The following CORO1B variants were observed in gnomAD, a reference collection of about 807,000 sequenced individuals.
CORO1B encodes the protein coronin-1B.
In CORO1B, 30 loss-of-function variants were observed where a neutral mutation model predicts 51.1. That is an observed-to-expected ratio of 0.59 (90% CI 0.44 to 0.80). The LOEUF (loss-of-function observed/expected upper bound fraction) is 0.80, where lower values mean the gene tolerates loss of function less well. CORO1B is among the 30% of genes least tolerant of loss of function. CORO1B has a pLI of 0.00. For synonymous variants in CORO1B, 310 were observed against 289.7 expected (o/e 1.07, Z -0.71); for missense variants, 648 against 700.4 (o/e 0.93, Z 0.84).
Position 67,441,985 on chromosome 11 carries a change from GAGC to G in CORO1B, c.302_304del (p.Gly101_Ser102delinsAla), listed in dbSNP as rs780259406. 1.9e-6 allele frequency: 3 copies of G among 1,613,208 alleles called. No individual in the cohort carries two copies. In the South Asian group the frequency reaches 3.3e-5, roughly 18 times the overall value. On this transcript the variant is annotated inframe_deletion, in exon 3 of 11. Coordinates refer to ENST00000341356, the MANE Select transcript of CORO1B (RefSeq NM_020441.3). ...CCTCACCATGACCGTGCAGTCCTCC[GAGC>G]CGCTGGCTATGACTTCGTCGTTGTG...
chr11:67,441,749 G>A lies in CORO1B; in HGVS notation c.438C>T (p.Asn146=), dbSNP rs528013950. ...GGTGCAGACCTGCACTGAGCAGCAC[G>A]TTTCGGGCCGTGGGGTGCCAGGCGA... ...GIIAWHPTAR[N]VLLSAGCDNV... Residue 146 remains asparagine, a synonymous_variant, in exon 4 of 11, where the codon AAC becomes AAT. Transcript: ENST00000341356. The A allele has an allele frequency of 1.9e-6, 3 of 1,611,388 alleles. No individual in the cohort carries two copies. Among genetic ancestry groups the A allele is most frequent in the African/African-American group, 1.3e-5 (1 of 74,948 alleles).
chr11:67,438,543 G>T (rs1181856688), intron 10 of CORO1B, 42 bp from the exon 11 acceptor site: 3 of 1,580,228 alleles, frequency 1.9e-6, no homozygotes, highest in Non-Finnish European at 2.6e-6. Context: ...GTGGTCAGGG[G>T]CTGCTAAGCC....
rs183838147 is a variant in CORO1B, at chr11:67,438,499, C to T, written c.1347G>A (p.Glu449=). Residue 449 remains glutamate, a splice_region_variant and synonymous_variant, in exon 11 of 11, where the codon GAG becomes GAA. Coordinates refer to ENST00000341356, the MANE Select transcript of CORO1B (RefSeq NM_020441.3). ...GCATCACCTCCTCCAGCTTCCCAGC[C>T]TCCTGTGGGGACATGAAGCAGGGGT... ...TPSGSLARAG[E]AGKLEEVMQE... 8.1e-6 allele frequency: 13 copies of T among 1,607,060 alleles called. No individual in the cohort carries two copies. In the East Asian group the frequency reaches 2.7e-4, roughly 33 times the overall value.
Position 67,438,906 on chromosome 11 carries a change from G to C in CORO1B, c.1109C>G (p.Pro370Arg), listed in dbSNP as rs1422664204. Residue 370 changes from proline (P) to arginine (R), a missense_variant, in exon 10 of 11, where the codon CCC becomes CGC. Coordinates refer to ENST00000341356, the MANE Select transcript of CORO1B (RefSeq NM_020441.3). ...QDDLYPDTAG[P>R]EAALEAEEWV... ...CTCCTCAGCCTCCAGGGCTGCCTCG[G>C]GCCCGGCTGTGTCGGGGTACAGATC... The C allele has an allele frequency of 1.9e-6, 3 of 1,609,464 alleles. No individual in the cohort carries two copies. Among genetic ancestry groups the C allele is most frequent in the East Asian group, 2.2e-5 (1 of 44,774 alleles).
At chr11:67,440,074 C>G (rs1048878704) in intron 8 of CORO1B, 44 bp downstream of exon 8, 1 of 1,572,582 alleles carries the variant, frequency 6.4e-7, no homozygotes, top group South Asian at 1.2e-5. Context: ...TGACCTCTCA[C>G]CTTAGATGCC....
Position 67,441,783 on chromosome 11 carries a change from A to G in CORO1B, c.404T>C (p.Val135Ala), listed in dbSNP as rs1428101284. ...CGTGGGGTGCCAGGCGATGATGCCC[A>G]CTCGCTTGGTGTGCCCCTCCAGTAC... is the stretch of plus-strand genomic sequence containing the variant. Reference protein sequence around the residue: ...VVVLEGHTKRVGIIAWHPTAR... With the variant: ...VVVLEGHTKRAGIIAWHPTAR... Residue 135 changes from valine to alanine, a missense_variant, in exon 4 of 11, where the codon GTG becomes GCG. Physicochemically the swap from Val to Ala is moderately conservative, Grantham distance 64. Transcript: ENST00000341356. 1.2e-6 allele frequency: 2 copies of G among 1,612,336 alleles called. No homozygotes were observed. Among genetic ancestry groups the G allele is most frequent in the African/African-American group, 2.7e-5 (2 of 74,672 alleles).
At position 67,435,775 on chromosome 11, in the gene CORO1B, G is replaced by GGCGCTGTCATCCCAGGCT; in HGVS notation, c.*2583_*2600dup. 6.4e-7 allele frequency: 1 copy of GGCGCTGTCATCCCAGGCT among 1,573,318 alleles called. No homozygotes were observed. Among genetic ancestry groups the GGCGCTGTCATCCCAGGCT allele is most frequent in the Non-Finnish European group, 8.6e-7 (1 of 1,160,052 alleles). On this transcript the variant is annotated 3_prime_UTR_variant, in exon 11 of 11. Transcript: ENST00000341356. The stretch of plus-strand genomic sequence containing the variant: ...GGAGGCCCTGGCCCCCAGCTGCCCT[G>GGCGCTGTCATCCCAGGCT]GCGCTGTCATCCCAGGCTGCGCTGC...
At position 67,436,140 on chromosome 11, in the gene CORO1B, C is replaced by T. The variant is rs1864268366; in HGVS notation, c.*2236G>A. On this transcript the variant is annotated 3_prime_UTR_variant, in exon 11 of 11. Transcript: ENST00000341356. ...CGCCGCGTGCGGCCCCACAGCGCGG[C>T]ACCTAGGCGGGCCGGGTGGTAGTAG... 3.8e-6 allele frequency: 6 copies of T among 1,578,624 alleles called. No homozygotes were observed. In the East Asian group the frequency reaches 6.9e-5, roughly 18 times the overall value.
rs1864373272 is a variant in CORO1B, at chr11:67,440,441, TG to T, written c.757-3del. On this transcript the variant is annotated splice_polypyrimidine_tract_variant and splice_region_variant and intron_variant, in intron 6 of 10. Transcript: ENST00000341356. ...GGCCATGGGTTCCTCGAGGTTTTCC[TG>T]GCACATTGCAGGCAGTCAGGCCAAG... 8 of 1,613,502 alleles carry T rather than the reference TG, an allele frequency of 5.0e-6. No individual in the cohort carries two copies. The highest frequency in any genetic ancestry group is 6.8e-6 in the Non-Finnish European group (8 of 1,179,892).
chr11:67,437,441 G>T lies in CORO1B; in HGVS notation c.*935C>A. 1.4e-6 allele frequency: 1 copy of T among 691,796 alleles called. No homozygotes were observed. Among genetic ancestry groups the T allele is most frequent in the Non-Finnish European group, 2.1e-6 (1 of 475,068 alleles). 42.9% of individuals were successfully genotyped at this position (691,796 alleles called of 1,614,324 possible). On this transcript the variant is annotated 3_prime_UTR_variant, in exon 11 of 11. Coordinates refer to ENST00000341356, the MANE Select transcript of CORO1B (RefSeq NM_020441.3). ...TGGGGTGCTGGGGGCCAGGCCTGGA[G>T]TCCCAGGGAGCCCAGCTCAGGTGAG...
intron 10 of CORO1B, 83 bp downstream of exon 10, chr11:67,438,588 G>A: frequency 1.3e-6 from 2 of 1,544,502 alleles, no homozygotes; most frequent in Non-Finnish European, 8.7e-7. Context: ...CCCCAGAGAG[G>A]GACAGCGAAT....
rs1217641799 is a variant in CORO1B at position 67,440,147 on chromosome 11, G to A, written c.978C>T (p.Gly326=). The A allele has an allele frequency of 1.2e-6, 2 of 1,613,156 alleles. No individual in the cohort carries two copies. The highest frequency in any genetic ancestry group is 3.3e-5 in the Admixed American group (2 of 59,972). Residue 326 remains glycine, a synonymous_variant, in exon 8 of 11, where the codon GGC becomes GGT. Coordinates refer to ENST00000341356, the MANE Select transcript of CORO1B (RefSeq NM_020441.3). ...QRGMGSMPKR[G]LEVSKCEIAR... Reference sequence around the variant, plus strand: ...CGATCTCGCACTTGCTGACCTCCAGGCCCCGCTTGGGCATGCTGCCCATAC... The same window carrying A: ...CGATCTCGCACTTGCTGACCTCCAGACCCCGCTTGGGCATGCTGCCCATAC...
chr11:67,438,715 T>C lies in CORO1B; in HGVS notation c.1300A>G (p.Thr434Ala), dbSNP rs745942973. 1.9e-6 allele frequency: 3 copies of C among 1,557,616 alleles called. No individual in the cohort carries two copies. The highest frequency in any genetic ancestry group is 2.6e-6 in the Non-Finnish European group (3 of 1,154,578). ...SHLGAPASTT[T>A]AADATPSGSL... ...CCGCTGGGGGTGGCATCAGCAGCAG[T>C]GGTGGTGGAGGCGGGGGCCCCTAGG... Residue 434 changes from threonine to alanine, a missense_variant, in exon 10 of 11, where the codon ACT becomes GCT. Physicochemically the swap from Thr to Ala is moderately conservative, Grantham distance 58. Coordinates refer to ENST00000341356, the MANE Select transcript of CORO1B (RefSeq NM_020441.3).
Position 67,437,698 on chromosome 11 carries a change from C to G in CORO1B, c.*678G>C. The G allele has an allele frequency of 3.0e-6, 4 of 1,322,552 alleles. No individual in the cohort carries two copies. The highest frequency in any genetic ancestry group is 3.9e-6 in the Non-Finnish European group (4 of 1,023,970). The allele number at this position is 1,322,552 out of a possible 1,614,324, so 81.9% of individuals were successfully genotyped here. On this transcript the variant is annotated 3_prime_UTR_variant, in exon 11 of 11. Transcript: ENST00000341356. ...AGCGAGAAGTGAGCTCAGTGCTCGT[C>G]TGCAGTGAAGGGTGGCCCAGGCTTC...
chr11:67,441,832 A>C lies in CORO1B; in HGVS notation c.355T>G (p.Ser119Ala). The change falls in exon 4 of 11, where the codon TCC (serine) becomes GCC (alanine). Residue 119 changes from serine to alanine, a missense_variant. Coordinates refer to ENST00000341356, the MANE Select transcript of CORO1B (RefSeq NM_020441.3). ...ACCACCACCGGCTCTGTCAGCGGGGAGGTCAGCCCGTTCTCTGGGATCTGC... is the reference window on the plus strand; with the variant it reads ...ACCACCACCGGCTCTGTCAGCGGGGCGGTCAGCCCGTTCTCTGGGATCTGC... ...VWQIPENGLT[S>A]PLTEPVVVLE... is the part of the protein sequence containing the mutation. The C allele has an allele frequency of 6.2e-7, 1 of 1,612,858 alleles. No homozygotes were observed. The highest frequency in any genetic ancestry group is 1.7e-4 in the Middle Eastern group (1 of 6,058).
intron 2 of CORO1B, 45 bp downstream of exon 2, chr11:67,442,383 G>T: frequency 6.3e-7 from 1 of 1,586,544 alleles, no homozygotes; most frequent in Non-Finnish European, 8.6e-7. Context: ...GCCCAGTAGG[G>T]GTGGCCGAGG....
In CORO1B at chr11:67,436,083, G is replaced by A; in HGVS notation, c.*2293C>T. ...GACCCCAGCTCAGCTCGGGCCTGCAGCCAGCGACCTGGGGGGCTGGCCCAG... is the reference window on the plus strand; with the variant it reads ...GACCCCAGCTCAGCTCGGGCCTGCAACCAGCGACCTGGGGGGCTGGCCCAG... On this transcript the variant is annotated 3_prime_UTR_variant, in exon 11 of 11. Coordinates refer to ENST00000341356, the MANE Select transcript of CORO1B (RefSeq NM_020441.3). 3 of 1,611,908 alleles carry A rather than the reference G, an allele frequency of 1.9e-6. No individual in the cohort carries two copies. The highest frequency in any genetic ancestry group is 2.2e-5 in the East Asian group (1 of 44,840).
chr11:67,435,687 C>T lies in CORO1B; in HGVS notation c.*2689G>A, dbSNP rs746518978. 63 of 1,496,876 alleles carry T rather than the reference C, an allele frequency of 4.2e-5. No homozygotes were observed. Among genetic ancestry groups the T allele is most frequent in the Middle Eastern group, 3.6e-4 (2 of 5,516 alleles). The allele number at this position is 1,496,876 out of a possible 1,614,324, so 92.7% of individuals were successfully genotyped here. ...CATGGCATCTTGGGAAGCAGAGGCACGGGGAGTGAGCGGCTGTGACAGGGA... is the reference window on the plus strand; with the variant it reads ...CATGGCATCTTGGGAAGCAGAGGCATGGGGAGTGAGCGGCTGTGACAGGGA... On this transcript the variant is annotated 3_prime_UTR_variant, in exon 11 of 11. Transcript: ENST00000341356.
chr11:67,442,618 C>A lies in CORO1B; in HGVS notation c.11G>T (p.Arg4Leu), dbSNP rs778939059. ...GAATTTGCTCTGCCGGACCACTTTG[C>A]GGAAGGACATGTCTGCGGGACAGAG... is the stretch of plus-strand genomic sequence containing the variant. MSF[R>L]KVVRQSKFRH... Residue 4 changes from arginine (R) to leucine (L), a missense_variant, in exon 2 of 11, where the codon CGC becomes CTC. Coordinates refer to ENST00000341356, the MANE Select transcript of CORO1B (RefSeq NM_020441.3). 2 of 1,613,550 alleles carry A rather than the reference C, an allele frequency of 1.2e-6. No individual in the cohort carries two copies. The highest frequency in any genetic ancestry group is 3.3e-5 in the Admixed American group (2 of 60,016).
Sources: gnomAD v4.1 joint callset for allele counts on GRCh38, gnomAD v4.1.1 for gene constraint, MANE v1.5 for transcripts, NCBI Gene and HGNC (gene_info 2026-07-23, HGNC 2026-07-21) for gene names.